The following LRRC4C variants were observed in gnomAD, a reference collection of about 807,000 sequenced individuals.
The protein encoded by LRRC4C is leucine rich repeat containing 4C.
LRRC4C carries 5 observed loss-of-function variants against 33.6 expected under a neutral mutation model. The observed-to-expected ratio is 0.15, with a 90% CI of 0.08 to 0.31. LRRC4C has a LOEUF of 0.31. Among genes scored for constraint, LRRC4C ranks in the 10% least tolerant of loss-of-function variants. The pLI is 1.00. For synonymous variants in LRRC4C, 329 were observed against 302.0 expected (o/e 1.09, Z -0.93); for missense variants, 560 against 796.7 (o/e 0.70, Z 3.58).
At chr11:40,392,189 C>T (rs564124747) in intron 3 of LRRC4C, among the ~76,000 whole-genome samples, 60 of 152,078 alleles carry the variant, frequency 3.9e-4, no homozygotes, top group Non-Finnish European at 5.7e-4. Context: ...AAGGGGAACA[C>T]GGGAATTTAG....
At chr11:40,472,616 A>G (rs983108339) in intron 3 of LRRC4C, among the ~76,000 whole-genome samples, 1 of 151,852 alleles carries the variant, frequency 6.6e-6, no homozygotes, top group Non-Finnish European at 1.5e-5. Flanking sequence ...AGATCAGAGC[A>G]GAACTGAAGG....
chr11:40,544,920 T>C (rs1361967896), intron 3 of LRRC4C, among the ~76,000 whole-genome samples: 1 of 152,088 alleles, frequency 6.6e-6, no homozygotes, highest in Non-Finnish European at 1.5e-5. Flanking sequence ...TCTCATCTAA[T>C]AGCCTGTACT....
chr11:40,921,830 T>C (rs1957194225), intron 2 of LRRC4C, among the ~76,000 whole-genome samples: 1 of 152,194 alleles, frequency 6.6e-6, no homozygotes, highest in South Asian at 2.1e-4. Flanking sequence ...AAAATAAACA[T>C]AATCTAGACT....
intron 3 of LRRC4C, among the ~76,000 whole-genome samples, chr11:40,343,774 G>T: frequency 7.4e-6 from 1 of 135,760 alleles, no homozygotes; most frequent in African/African-American, 2.7e-5. Context: ...AGAACAAAAA[G>T]AGAGAAGATC....
chr11:40,517,745 A>AT (rs375289201), intron 3 of LRRC4C, among the ~76,000 whole-genome samples: 29 of 45,876 alleles, frequency 6.3e-4, no homozygotes, highest in African/African-American at 1.6e-3. Context: ...AATTGGGGGG[A>AT]AAAAAAAAAA....
intron 3 of LRRC4C, among the ~76,000 whole-genome samples, chr11:40,493,166 G>A (rs1211682411): frequency 1.3e-5 from 2 of 151,744 alleles, no homozygotes; most frequent in Non-Finnish European, 2.9e-5. Flanking sequence ...AAAAATCACA[G>A]CAGTATAGAA....
At chr11:41,189,094 T>C (rs1329251810) in intron 1 of LRRC4C, among the ~76,000 whole-genome samples, 1 of 152,080 alleles carries the variant, frequency 6.6e-6, no homozygotes, top group Non-Finnish European at 1.5e-5. Context: ...TCAACAAAGA[T>C]TTATAGGGCA....
intron 1 of LRRC4C, among the ~76,000 whole-genome samples, chr11:41,332,084 C>T (rs1403957177): frequency 6.6e-6 from 1 of 152,126 alleles, no homozygotes; most frequent in Non-Finnish European, 1.5e-5. Flanking sequence ...ATCTTGTTCA[C>T]TGCCATAACC....
intron 3 of LRRC4C, among the ~76,000 whole-genome samples, chr11:40,541,284 T>A (rs1367038313): frequency 6.6e-6 from 1 of 152,148 alleles, no homozygotes; most frequent in Non-Finnish European, 1.5e-5. Flanking sequence ...TGGGCTCAAG[T>A]GATCCTCTTG....
At chr11:40,926,432 G>A (rs1419128525) in intron 2 of LRRC4C, among the ~76,000 whole-genome samples, 2 of 152,154 alleles carry the variant, frequency 1.3e-5, no homozygotes, top group Admixed American at 1.3e-4. Context: ...AAATAATAAT[G>A]AAAGAGCATT....
intron 5 of LRRC4C, among the ~76,000 whole-genome samples, chr11:40,221,677 G>A (rs374968105): frequency 1.3e-5 from 2 of 152,058 alleles, no homozygotes; most frequent in South Asian, 4.2e-4. Context: ...CCCTGGGCCT[G>A]GTAGTTAAAG....
chr11:41,342,213 T>TTTCCTAGACTGTTTTCCTAGACTTTCTTA (rs1298388559), intron 1 of LRRC4C, among the ~76,000 whole-genome samples: 4 of 152,246 alleles, frequency 2.6e-5, no homozygotes, highest in Non-Finnish European at 5.9e-5. Context: ...TACACTCTGC[T>TTTCCTAGACTGTTTTCCTAGACTTTCTTA]GTTGTTTTCC....
intron 1 of LRRC4C, among the ~76,000 whole-genome samples, chr11:41,227,763 C>T (rs1947607177): frequency 6.6e-6 from 1 of 152,068 alleles, no homozygotes; most frequent in Admixed American, 6.6e-5. Flanking sequence ...TACCTTTCTC[C>T]TCAGAGTGAA....
chr11:41,302,684 A>G (rs1950319495), intron 1 of LRRC4C, among the ~76,000 whole-genome samples: 1 of 152,212 alleles, frequency 6.6e-6, no homozygotes, highest in Admixed American at 6.5e-5. Context: ...TTTCAAAATA[A>G]TATTACTTTC....
intron 1 of LRRC4C, among the ~76,000 whole-genome samples, chr11:41,398,573 C>G (rs1352437696): frequency 6.6e-6 from 1 of 151,910 alleles, no homozygotes; most frequent in Non-Finnish European, 1.5e-5. Flanking sequence ...AGAGGGATCA[C>G]TGAATGTTAC....
intron 2 of LRRC4C, among the ~76,000 whole-genome samples, chr11:40,733,166 C>A (rs904105110): frequency 7.0e-6 from 1 of 143,822 alleles, no homozygotes; most frequent in Non-Finnish European, 1.5e-5. Flanking sequence ...AGCTCCGCCT[C>A]CCGGGTTCAC....
chr11:40,589,662 G>C (rs1958939918), intron 3 of LRRC4C, among the ~76,000 whole-genome samples: 1 of 151,798 alleles, frequency 6.6e-6, no homozygotes, highest in Admixed American at 6.6e-5. Context: ...AGCTCTTTTA[G>C]GGCAGGCCTG....
chr11:40,681,732 T>A (rs1315973413), intron 2 of LRRC4C, among the ~76,000 whole-genome samples: 3 of 152,038 alleles, frequency 2.0e-5, no homozygotes, highest in African/African-American at 7.2e-5. Flanking sequence ...AAACCCCGTC[T>A]CTACAAAAAA....
intron 2 of LRRC4C, among the ~76,000 whole-genome samples, chr11:40,912,360 C>T (rs1956738223): frequency 6.6e-6 from 1 of 152,180 alleles, no homozygotes; most frequent in Admixed American, 6.5e-5. Context: ...AGCAGAAACT[C>T]TACAAGCCAG....
Sources: allele counts gnomAD v4.1 joint callset (sites outside exome capture counted in the v4.1 genomes callset), GRCh38; gene constraint gnomAD v4.1.1; transcripts MANE v1.5; gene names NCBI Gene and HGNC (gene_info 2026-07-23, HGNC 2026-07-21).